Variants in MYOM1 observed in about 807,000 individuals in gnomAD.
The protein encoded by MYOM1 is myomesin 1.
Under a neutral mutation model 205.3 loss-of-function variants are expected in MYOM1, and 164 were observed. The observed-to-expected ratio is 0.80, with a 90% CI of 0.70 to 0.91. MYOM1 has a LOEUF of 0.91. Among genes scored for constraint, MYOM1 ranks in the 40% least tolerant of loss-of-function variants. The pLI, the probability that MYOM1 is intolerant of heterozygous loss-of-function variation, is 0.00. For synonymous variants in MYOM1, 772 were observed against 789.4 expected (o/e 0.98, Z 0.37); for missense variants, 2,011 against 2,127.3 (o/e 0.95, Z 1.08).
intron 33 of MYOM1, among the ~76,000 whole-genome samples, chr18:3,082,079 C>T (rs142795095): frequency 2.6e-5 from 4 of 152,338 alleles, no homozygotes; most frequent in Non-Finnish European, 5.9e-5. Flanking sequence ...CCCTCGCATG[C>T]GCAGTTCACA....
intron 9 of MYOM1, among the ~76,000 whole-genome samples, chr18:3,166,687 A>G (rs2080477457): frequency 6.6e-6 from 1 of 152,202 alleles, no homozygotes; most frequent in African/African-American, 2.4e-5. Context: ...AGTTTGAATA[A>G]TAAATAGTCA....
At chr18:3,205,607 C>T (rs900983627) in intron 2 of MYOM1, among the ~76,000 whole-genome samples, 4 of 152,156 alleles carry the variant, frequency 2.6e-5, no homozygotes, top group African/African-American at 9.6e-5. Context: ...AATCCCCATA[C>T]ATTTTTGTGG....
chr18:3,124,537 G>T (rs1199815709), intron 19 of MYOM1, among the ~76,000 whole-genome samples: 1 of 151,696 alleles, frequency 6.6e-6, no homozygotes, highest in African/African-American at 2.4e-5. Flanking sequence ...CACCGTGTTA[G>T]CCAGGATAGT....
rs1259493146 is a variant in MYOM1, at chr18:3,179,429, A to AT, written c.930-3296dup. 6.6e-6 allele frequency among the ~76,000 whole-genome samples: 1 copy of AT among 152,212 alleles called. No homozygotes were observed. The highest frequency in any genetic ancestry group is 2.4e-5 in the African/African-American group (1 of 41,456). On this transcript the variant is annotated intron_variant, in intron 5 of 37. Coordinates refer to ENST00000356443, the MANE Select transcript of MYOM1 (RefSeq NM_003803.4). The surrounding 1 kb of genome is among the most constrained non-coding windows in gnomAD (Gnocchi z 4.4). ...GGTCTCAAATTCCTGGGCTCAAGCG[A>AT]TCCCCCTGCCTCAGCCTCCCAAAGT...
chr18:3,152,687 CTTTT>C lies in MYOM1; in HGVS notation c.1644-798_1644-795del. On this transcript the variant is annotated intron_variant, in intron 11 of 37. Transcript: ENST00000356443. The surrounding 1 kb of genome is among the most constrained non-coding windows in gnomAD (Gnocchi z 4.3). ...ACAGATTAGGATTAAGCAGCTCTTA[CTTTT>C]TTTATGAGCAGAGTGCTGTACTTTT... Among the ~76,000 whole-genome samples, 1 of 152,044 alleles carries C rather than the reference CTTTT, an allele frequency of 6.6e-6. No individual in the cohort carries two copies. Among genetic ancestry groups the C allele is most frequent in the South Asian group, 2.1e-4 (1 of 4,820 alleles).
At chr18:3,113,219 T>TAC (rs1200759780) in intron 21 of MYOM1, among the ~76,000 whole-genome samples, 1 of 149,520 alleles carries the variant, frequency 6.7e-6, no homozygotes, top group Admixed American at 6.7e-5. Context: ...TATATATATA[T>TAC]ACACACATGT....
At chr18:3,156,914 C>A (rs937862574) in intron 10 of MYOM1, among the ~76,000 whole-genome samples, 4 of 152,202 alleles carry the variant, frequency 2.6e-5, no homozygotes, top group African/African-American at 9.7e-5. Context: ...CGGCGAGACA[C>A]TTCTTTCCTT....
At position 3,116,350 on chromosome 18, in the gene MYOM1, A is replaced by G. The variant is rs1225479791; in HGVS notation, c.3284T>C (p.Ile1095Thr). Reference sequence around the variant, plus strand: ...TCTTACCTTCAGGTATACGTTTTTAATAGCCGCCTCATTGAGCCCTCGCCA... The same window carrying G: ...TCTTACCTTCAGGTATACGTTTTTAGTAGCCGCCTCATTGAGCCCTCGCCA... The part of the protein sequence containing the change: ...DQWRGLNEAA[I>T]KNVYLKVRGL... Residue 1095 changes from isoleucine to threonine, a missense_variant, in exon 21 of 38, where the codon ATT (isoleucine) becomes ACT (threonine). By Grantham distance (89) the Ile-to-Thr change is moderately conservative. Transcript: ENST00000356443. The G allele has an allele frequency of 1.9e-6, 3 of 1,611,726 alleles. No homozygotes were observed. Among genetic ancestry groups the G allele is most frequent in the Non-Finnish European group, 8.5e-7 (1 of 1,179,654 alleles).
intron 23 of MYOM1, among the ~76,000 whole-genome samples, chr18:3,102,036 C>T (rs2079384620): frequency 1.7e-5 from 2 of 114,744 alleles, no homozygotes; most frequent in South Asian, 6.2e-4. Context: ...GAGTCTGGCT[C>T]TGTTGCCCAG....
intron 21 of MYOM1, 33 bp downstream of exon 21, chr18:3,116,298 T>C (rs770732064): frequency 6.3e-7 from 1 of 1,597,890 alleles, no homozygotes; most frequent in Non-Finnish European, 8.5e-7. Context: ...GAGCAGTTAG[T>C]AGAGGAAGCT....
chr18:3,114,972 T>C (rs975866801), intron 21 of MYOM1, among the ~76,000 whole-genome samples: 4 of 152,102 alleles, frequency 2.6e-5, no homozygotes, highest in African/African-American at 9.7e-5. Flanking sequence ...TCTTTTTGTT[T>C]GCTTCTTCAC....
intron 37 of MYOM1, among the ~76,000 whole-genome samples, chr18:3,069,336 C>G (rs1449173463): frequency 2.0e-5 from 3 of 152,124 alleles, no homozygotes; most frequent in Non-Finnish European, 1.5e-5. Context: ...TTTTAAAATT[C>G]CATTCTTGTA....
intron 9 of MYOM1, among the ~76,000 whole-genome samples, chr18:3,167,533 G>A (rs370748296): frequency 2.5e-4 from 38 of 152,176 alleles, no homozygotes; most frequent in African/African-American, 7.7e-4. Context: ...ACAGGTGTGC[G>A]CCACCACGCC....
At chr18:3,177,716 A>G (rs549645829) in intron 5 of MYOM1, among the ~76,000 whole-genome samples, 35 of 152,132 alleles carry the variant, frequency 2.3e-4, no homozygotes, top group African/African-American at 8.2e-4. Flanking sequence ...CAGGTCATCC[A>G]CCTGCCTTGA....
intron 8 of MYOM1, among the ~76,000 whole-genome samples, chr18:3,170,684 T>C (rs1024335735): frequency 3.3e-5 from 5 of 152,224 alleles, no homozygotes; most frequent in African/African-American, 1.2e-4. Context: ...GACTGTTTAT[T>C]GATGGGTTAT....
At position 3,209,572 on chromosome 18, in the gene MYOM1, T is replaced by A. The variant is rs76225779; in HGVS notation, c.290+5362A>T. ...AGTCCTGCCCAACCCATCACCTTTC[T>A]GACATCCTCTCCACCTGCACTATCC... On this transcript the variant is annotated intron_variant, in intron 2 of 37. Transcript: ENST00000356443. The surrounding 1 kb of genome is among the most constrained non-coding windows in gnomAD (Gnocchi z 4.0). 0.013 allele frequency among the ~76,000 whole-genome samples: 1,912 copies of A among 152,340 alleles called. 22 individuals are homozygous for A. The highest frequency in any genetic ancestry group is 0.041 in the Middle Eastern group (12 of 292).
chr18:3,173,694 C>T (rs1350392005), intron 8 of MYOM1, among the ~76,000 whole-genome samples: 1 of 150,976 alleles, frequency 6.6e-6, no homozygotes, highest in Non-Finnish European at 1.5e-5. Context: ...AAAACATTTG[C>T]TATTTTTAGC....
intron 17 of MYOM1, among the ~76,000 whole-genome samples, chr18:3,130,215 G>C (rs2079855257): frequency 6.6e-6 from 1 of 151,560 alleles, no homozygotes; most frequent in East Asian, 1.9e-4. Flanking sequence ...GCTAATTTTT[G>C]TATTTTCAGT....
chr18:3,168,546 C>T (rs540522193), intron 9 of MYOM1, among the ~76,000 whole-genome samples: 36 of 152,318 alleles, frequency 2.4e-4, no homozygotes, highest in African/African-American at 8.7e-4. Context: ...ATCTCAGCCT[C>T]CCAAAGTGCT....
Sources: allele counts gnomAD v4.1 joint callset (sites outside exome capture counted in the v4.1 genomes callset), GRCh38; gene constraint gnomAD v4.1.1; non-coding constraint Gnocchi (gnomAD v3.1); transcripts MANE v1.5; gene names NCBI Gene and HGNC (gene_info 2026-07-23, HGNC 2026-07-21).